SLC38A6: variants seen among roughly 807,000 people sequenced by gnomAD.
SLC38A6 encodes solute carrier family 38 member 6, also known as N system amino acid transporter NAT-1.
A neutral mutation model predicts 65.0 loss-of-function variants in SLC38A6; 73 were observed. The ratio of observed to expected loss-of-function variants is 1.12; its 90% confidence interval spans 0.93 to 1.37. The LOEUF (loss-of-function observed/expected upper bound fraction) is 1.37. SLC38A6 is among the 40% of genes most tolerant of loss of function. SLC38A6 has a pLI of 0.00. For synonymous variants in SLC38A6, 183 were observed against 178.8 expected, an observed-to-expected ratio of 1.02 and a Z score of -0.19; for missense variants, 561 against 531.1, an observed-to-expected ratio of 1.06 and a Z score of -0.55.
intron 5 of SLC38A6, among the ~76,000 whole-genome samples, chr14:61,020,218 A>G (rs1202678638): frequency 6.6e-6 from 1 of 152,138 alleles, no homozygotes; most frequent in Non-Finnish European, 1.5e-5. Context: ...TATGGGTATC[A>G]TGTGTGTATA....
At chr14:61,068,492 C>T (rs560614711) in intron 15 of SLC38A6, among the ~76,000 whole-genome samples, 3 of 152,242 alleles carry the variant, frequency 2.0e-5, no homozygotes, top group African/African-American at 7.2e-5. Flanking sequence ...CCTTTCTGCC[C>T]CTGGAACACA....
chr14:61,046,090 A>T lies in SLC38A6; in HGVS notation c.848A>T (p.Asn283Ile). The T allele has an allele frequency of 6.2e-7, 1 of 1,610,038 alleles. No individual in the cohort carries two copies. The highest frequency in any genetic ancestry group is 8.5e-7 in the Non-Finnish European group (1 of 1,177,182). ...AGTCCTTCAAAGAAAAGAATGCAGA[A>T]TGTTACCAATACAGCAATTGCTTTA... is the stretch of plus-strand genomic sequence containing the variant. ...LQSPSKKRMQ[N>I]VTNTAIALSF... Residue 283 changes from asparagine (N) to isoleucine (I), a missense_variant, in exon 12 of 16, where the codon AAT (asparagine) becomes ATT (isoleucine). Transcript: ENST00000267488.
intron 15 of SLC38A6, among the ~76,000 whole-genome samples, chr14:61,062,286 C>T (rs1315175478): frequency 6.6e-6 from 1 of 152,154 alleles, no homozygotes; most frequent in Non-Finnish European, 1.5e-5. Flanking sequence ...TTCCAGAGAG[C>T]AGTAAATTAG....
chr14:61,019,257 T>C (rs568551301), intron 4 of SLC38A6, among the ~76,000 whole-genome samples: 4 of 152,332 alleles, frequency 2.6e-5, no homozygotes, highest in South Asian at 4.1e-4. Context: ...TTATACTTGA[T>C]AATCATCGAT....
rs145004894 is a variant in SLC38A6 at position 61,082,249 on chromosome 14, G to A, written c.1409-1306G>A. On this transcript the variant is annotated intron_variant, in intron 16 of 16. Coordinates refer to the SLC38A6 transcript ENST00000354886. ...TGCTGTTGTCTTCTGTCATACGGCTGAAATCGTAAAACTGGTCTGCCTGTC... is the reference window on the plus strand; with the variant it reads ...TGCTGTTGTCTTCTGTCATACGGCTAAAATCGTAAAACTGGTCTGCCTGTC... 3.7e-3 allele frequency among the ~76,000 whole-genome samples: 568 copies of A among 152,300 alleles called. 3 individuals are homozygous for A. Among genetic ancestry groups the A allele is most frequent in the African/African-American group, 0.013 (538 of 41,562 alleles).
At chr14:61,050,683 A>C in intron 13 of SLC38A6, 47 bp downstream of exon 13, 2 of 1,403,152 alleles carry the variant, frequency 1.4e-6, no homozygotes, top group Non-Finnish European at 1.9e-6. Flanking sequence ...ACGCTTCCTA[A>C]TAGGGAAACA....
At chr14:61,055,327 C>G (rs2042679354), downstream of SLC38A6, among the ~76,000 whole-genome samples, 1 of 41,946 alleles carries the variant, frequency 2.4e-5, no homozygotes, top group African/African-American at 8.7e-5. Flanking sequence ...TCCATGTGAT[C>G]TCATTGTTCA....
chr14:61,037,696 T>C lies in SLC38A6; in HGVS notation c.624+13T>C. Reference sequence around the variant, plus strand: ...CTTTGCTCTTGTGGTAAGTTTAAAATATAATACATTGCTTATCTCCTCACT... The same window carrying C: ...CTTTGCTCTTGTGGTAAGTTTAAAACATAATACATTGCTTATCTCCTCACT... On this transcript the variant is annotated intron_variant, in intron 8 of 15. Coordinates refer to ENST00000267488, the MANE Select transcript of SLC38A6 (RefSeq NM_153811.3). 3.3e-6 allele frequency: 5 copies of C among 1,517,076 alleles called. No individual in the cohort carries two copies. Among genetic ancestry groups the C allele is most frequent in the Non-Finnish European group, 4.5e-6 (5 of 1,104,590 alleles). 94.0% of individuals were successfully genotyped at this position (1,517,076 alleles called of 1,614,324 possible). A position where few individuals can be genotyped will look rare whatever the true frequency, so the allele number is the denominator to read the frequency against.
At chr14:61,011,015 G>T (rs892008619) in intron 3 of SLC38A6, among the ~76,000 whole-genome samples, 1 of 152,110 alleles carries the variant, frequency 6.6e-6, no homozygotes. Context: ...CTACCCATGC[G>T]CATGGAATGT....
intron 3 of SLC38A6, among the ~76,000 whole-genome samples, chr14:60,993,803 C>T (rs1389665534): frequency 6.6e-6 from 1 of 152,192 alleles, no homozygotes; most frequent in African/African-American, 2.4e-5. Flanking sequence ...AGCCAAGTAT[C>T]ACCAGATATT....
At chr14:61,019,059 CTTTA>C (rs2040192330) in intron 4 of SLC38A6, among the ~76,000 whole-genome samples, 1 of 152,180 alleles carries the variant, frequency 6.6e-6, no homozygotes, top group Admixed American at 6.6e-5. Context: ...GGGCTCTAGA[CTTTA>C]TTAATCTCTG....
chr14:61,009,723 A>G (rs7142826), intron 3 of SLC38A6, among the ~76,000 whole-genome samples: 103,982 of 152,028 alleles, frequency 0.68, 35,734 homozygotes, highest in African/African-American at 0.7. Flanking sequence ...ATCATTTTTT[A>G]TGGCTGCATA....
At position 61,015,927 on chromosome 14, in the gene SLC38A6, G is replaced by C; in HGVS notation, c.334G>C (p.Gly112Arg). 1 of 1,607,748 alleles carries C rather than the reference G, an allele frequency of 6.2e-7. No individual in the cohort carries two copies. The highest frequency in any genetic ancestry group is 8.5e-7 in the Non-Finnish European group (1 of 1,178,330). ...AGCTGTAACATCTTATGAAGATCTT[G>C]GACTCTTTGCATTTGGATTACCTGG... ...QTAVTSYEDL[G>R]LFAFGLPGKL... The change falls in exon 4 of 16, where the codon GGA becomes CGA. Residue 112 changes from glycine (G) to arginine (R), a missense_variant. Physicochemically the swap from Gly to Arg is moderately radical, Grantham distance 125. Coordinates refer to ENST00000267488, the MANE Select transcript of SLC38A6 (RefSeq NM_153811.3).
intron 3 of SLC38A6, among the ~76,000 whole-genome samples, chr14:61,011,810 C>T (rs907571942): frequency 5.3e-5 from 8 of 152,074 alleles, no homozygotes; most frequent in Admixed American, 3.3e-4. Flanking sequence ...ATTTTTGCAT[C>T]GATGTTCATC....
chr14:60,991,577 T>C (rs2037890281), intron 3 of SLC38A6, among the ~76,000 whole-genome samples: 1 of 152,188 alleles, frequency 6.6e-6, no homozygotes, highest in South Asian at 2.1e-4. Context: ...TCCCCAGTCG[T>C]GCTGGGTAGT....
At position 61,007,771 on chromosome 14, in the gene SLC38A6, A is replaced by G. The variant is rs563422925; in HGVS notation, c.311-8133A>G. Reference sequence around the variant, plus strand: ...TAATATGGAACAAAATTACCTTCTCAATGCCAAATTAGAAAATGATATGTA... The same window carrying G: ...TAATATGGAACAAAATTACCTTCTCGATGCCAAATTAGAAAATGATATGTA... On this transcript the variant is annotated intron_variant, in intron 3 of 15. Coordinates refer to ENST00000267488, the MANE Select transcript of SLC38A6 (RefSeq NM_153811.3). Among the ~76,000 whole-genome samples the G allele has an allele frequency of 4.6e-5, 7 of 152,224 alleles. No homozygotes were observed. In the South Asian group the frequency reaches 1.5e-3, roughly 32 times the overall value.
intron 10 of SLC38A6, among the ~76,000 whole-genome samples, chr14:61,044,603 T>C (rs2042020047): frequency 6.6e-6 from 1 of 152,142 alleles, no homozygotes; most frequent in Non-Finnish European, 1.5e-5. Flanking sequence ...CTGAAGTTAG[T>C]TAAGTGGAAA....
intron 4 of SLC38A6, among the ~76,000 whole-genome samples, chr14:61,019,026 A>G (rs2040190149): frequency 6.6e-6 from 1 of 152,102 alleles, no homozygotes; most frequent in African/African-American, 2.4e-5. Context: ...TTTTGCCTAT[A>G]TTTTCAGGGT....
rs1566697350 is a variant in SLC38A6 at position 61,043,225 on chromosome 14, ATTTTC to A, written c.690+19_690+23del. 5 of 1,428,002 alleles carry A rather than the reference ATTTTC, an allele frequency of 3.5e-6. No homozygotes were observed. The highest frequency in any genetic ancestry group is 4.4e-5 in the Admixed American group (2 of 45,066). 88.5% of individuals were successfully genotyped at this position (1,428,002 alleles called of 1,614,324 possible). A position where few individuals can be genotyped will look rare whatever the true frequency, so the allele number is the denominator to read the frequency against. On this transcript the variant is annotated intron_variant, in intron 9 of 15. Coordinates refer to ENST00000267488, the MANE Select transcript of SLC38A6 (RefSeq NM_153811.3). ...GAAAGGTTTCCAGGTAATAGCTTAT[ATTTTC>A]TTTTCAGTTTCTTCCTTTTTATTTT...
Sources: gnomAD v4.1 joint callset for allele counts (sites outside exome capture counted in the v4.1 genomes callset) on GRCh38, gnomAD v4.1.1 for gene constraint, MANE v1.5 for transcripts, NCBI Gene and HGNC (gene_info 2026-07-23, HGNC 2026-07-21) for gene names.